GTF3C1: variants seen among roughly 807,000 people sequenced by gnomAD.
GTF3C1 encodes general transcription factor IIIC subunit 1.
In GTF3C1, 57 loss-of-function variants were observed where a neutral mutation model predicts 226.7. The observed-to-expected ratio is 0.25, with a 90% CI of 0.20 to 0.31. GTF3C1 has a LOEUF of 0.31. Among genes scored for constraint, GTF3C1 ranks in the 10% least tolerant of loss-of-function variants. The pLI is 1.00. For synonymous variants in GTF3C1, 1,090 were observed against 1,084.8 expected (o/e 1.00, Z -0.09); for missense variants, 2,217 against 2,776.1 (o/e 0.80, Z 4.53).
chr16:27,519,404 G>A (rs2088711196), intron 6 of GTF3C1, among the ~76,000 whole-genome samples: 1 of 152,160 alleles, frequency 6.6e-6, no homozygotes, highest in South Asian at 2.1e-4. Flanking sequence ...TGGCTTGGAG[G>A]GAGGGAGGCC....
At chr16:27,496,016 G>A (rs573665591) in intron 14 of GTF3C1, among the ~76,000 whole-genome samples, 85 of 152,348 alleles carry the variant, frequency 5.6e-4, no homozygotes, top group African/African-American at 1.9e-3. Context: ...CGGTGCTGGT[G>A]GTGGGGCCAG....
At chr16:27,540,512 G>A (rs879864036) in intron 2 of GTF3C1, among the ~76,000 whole-genome samples, 14 of 152,190 alleles carry the variant, frequency 9.2e-5, no homozygotes, top group Non-Finnish European at 1.6e-4. Flanking sequence ...GTTAATTATC[G>A]CGAATTAGCT....
At chr16:27,531,410 A>C (rs2088915555) in intron 5 of GTF3C1, among the ~76,000 whole-genome samples, 1 of 152,186 alleles carries the variant, frequency 6.6e-6, no homozygotes, top group Admixed American at 6.5e-5. Context: ...AGCCCAGCTC[A>C]ACTGTGCTTT....
At chr16:27,516,014 C>T (rs2088652983) in intron 6 of GTF3C1, among the ~76,000 whole-genome samples, 1 of 152,198 alleles carries the variant, frequency 6.6e-6, no homozygotes, top group Non-Finnish European at 1.5e-5. Flanking sequence ...GTCAGTGAGC[C>T]CAGGCTGCCA....
At chr16:27,478,887 A>C (rs2087995607) in intron 27 of GTF3C1, among the ~76,000 whole-genome samples, 1 of 151,602 alleles carries the variant, frequency 6.6e-6, no homozygotes, top group African/African-American at 2.4e-5. Flanking sequence ...AAAATGTCCC[A>C]CCCAGAAGTA....
At chr16:27,473,118 C>A (rs1438342905) in intron 29 of GTF3C1, among the ~76,000 whole-genome samples, 1 of 152,194 alleles carries the variant, frequency 6.6e-6, no homozygotes, top group African/African-American at 2.4e-5. Context: ...CCATGTTGCC[C>A]AGGCTGGTCT....
In GTF3C1 at chr16:27,464,430, G is replaced by A. The variant is rs756814934; in HGVS notation, c.5762C>T (p.Ala1921Val). 23 of 1,603,838 alleles carry A rather than the reference G, an allele frequency of 1.4e-5. No homozygotes were observed. In the East Asian group the frequency reaches 3.4e-4, roughly 24 times the overall value. Residue 1921 changes from alanine to valine, a missense_variant, in exon 34 of 37, where the codon GCA becomes GTA. Coordinates refer to ENST00000356183, the MANE Select transcript of GTF3C1 (RefSeq NM_001520.4). ...TTGGTCTTCCTGTGCTGCTCCCGCT[G>A]CAGCGGTGTCTTCAAGAGCTGGGGG... Reference protein sequence around the residue: ...SPPPALEDTAAAGAAQEDQEG... With the variant: ...SPPPALEDTAVAGAAQEDQEG...
intron 4 of GTF3C1, among the ~76,000 whole-genome samples, chr16:27,535,023 CTTTAT>C (rs768953553): frequency 1.8e-4 from 27 of 152,000 alleles, no homozygotes; most frequent in African/African-American, 2.9e-4. Flanking sequence ...GTGGATACTA[CTTTAT>C]TTTATCATTC....
Position 27,507,248 on chromosome 16 carries a change from C to T in GTF3C1, c.1243-92G>A, listed in dbSNP as rs232076. ...TCTGTGGCATCTATTTCCTTATTGG[C>T]TTTCTTCTGTTTCTCCTGTCTTACT... On this transcript the variant is annotated intron_variant, in intron 8 of 36. Coordinates refer to ENST00000356183, the MANE Select transcript of GTF3C1 (RefSeq NM_001520.4). The surrounding 1 kb of genome is among the most constrained non-coding windows in gnomAD (Gnocchi z 4.9). 45 of 984,892 alleles carry T rather than the reference C, an allele frequency of 4.6e-5. No individual in the cohort carries two copies. Among genetic ancestry groups the T allele is most frequent in the East Asian group, 1.7e-4 (7 of 41,462 alleles). The allele number at this position is 984,892 out of a possible 1,614,324, so 61.0% of individuals were successfully genotyped here.
intron 6 of GTF3C1, among the ~76,000 whole-genome samples, chr16:27,521,330 G>A (rs2088745476): frequency 1.3e-5 from 2 of 152,228 alleles, no homozygotes; most frequent in South Asian, 4.1e-4. Flanking sequence ...GAGGTCTTGC[G>A]AGAAAATCTT....
At position 27,461,365 on chromosome 16, in the gene GTF3C1, C is replaced by G. The variant is rs1301524745; in HGVS notation, c.6315G>C (p.Lys2105Asn). 6.2e-7 allele frequency: 1 copy of G among 1,610,900 alleles called. No homozygotes were observed. The highest frequency in any genetic ancestry group is 2.2e-5 in the East Asian group (1 of 44,808). The stretch of plus-strand genomic sequence containing the variant: ...CACAGGGGTCCTAGAGGTGGATCCA[C>G]TTGTTCCAGTTGACCTCGTGGGGGA... ...RVFPHEVNWN[K>N]WIHL The change falls in exon 37 of 37, where the codon AAG becomes AAC. Residue 2105 changes from lysine (K) to asparagine (N), a missense_variant. By Grantham distance (94) the Lys-to-Asn change is moderately conservative. Transcript: ENST00000356183. This position sits in a 1 kb window ranked among gnomAD's most constrained non-coding sequence, Gnocchi z 5.3.
rs371424726 is a variant in GTF3C1 at position 27,538,366 on chromosome 16, G to A, written c.432-10C>T. The A allele has an allele frequency of 4.4e-4, 655 of 1,498,214 alleles. 1 individual carries two copies. Among genetic ancestry groups the A allele is most frequent in the Middle Eastern group, 8.8e-4 (5 of 5,654 alleles). 92.8% of individuals were successfully genotyped at this position (1,498,214 alleles called of 1,614,324 possible). On this transcript the variant is annotated splice_polypyrimidine_tract_variant and intron_variant, in intron 2 of 36. Coordinates refer to ENST00000356183, the MANE Select transcript of GTF3C1 (RefSeq NM_001520.4). ...CAGTTTCTTCCCCCACCTGCAAATC[G>A]GAAACAATCGCATGAAGAAATAAGT... is the stretch of plus-strand genomic sequence containing the variant.
At chr16:27,497,848 T>C in intron 13 of GTF3C1, 27 bp from the exon 14 acceptor site, 3 of 1,572,426 alleles carry the variant, frequency 1.9e-6, no homozygotes, top group South Asian at 1.1e-5. Context: ...CATGCAATAA[T>C]GTACTGAGAA....
intron 29 of GTF3C1, among the ~76,000 whole-genome samples, chr16:27,476,077 G>A (rs538225618): frequency 6.6e-6 from 1 of 152,238 alleles, no homozygotes; most frequent in South Asian, 2.1e-4. Flanking sequence ...CTCACAGCTT[G>A]GTAATGACAG....
intron 7 of GTF3C1, 114 bp downstream of exon 7, chr16:27,511,635 T>C: frequency 1.7e-6 from 2 of 1,144,790 alleles, no homozygotes; most frequent in Non-Finnish European, 2.5e-6. Context: ...ACCAAGGCAC[T>C]TCCCATTGTA....
chr16:27,494,677 G>A, intron 16 of GTF3C1, 86 bp downstream of exon 16: 1 of 950,484 alleles, frequency 1.1e-6, no homozygotes, highest in South Asian at 1.4e-5. Flanking sequence ...GGGTCTTCAA[G>A]TATCCTCCCT....
intron 6 of GTF3C1, among the ~76,000 whole-genome samples, chr16:27,527,970 T>A: frequency 7.1e-6 from 1 of 140,778 alleles, no homozygotes; most frequent in African/African-American, 2.8e-5. Context: ...AAAGACCCTG[T>A]CTCAAAAAAA....
intron 2 of GTF3C1, among the ~76,000 whole-genome samples, chr16:27,539,695 T>C (rs1295043785): frequency 6.6e-6 from 1 of 152,228 alleles, no homozygotes; most frequent in Non-Finnish European, 1.5e-5. Context: ...GTAACAGTAT[T>C]AAGAGGAAGA....
chr16:27,470,163 G>A lies in GTF3C1; in HGVS notation c.4759C>T (p.Pro1587Ser), dbSNP rs538267964. 3.7e-6 allele frequency: 6 copies of A among 1,613,910 alleles called. No individual in the cohort carries two copies. The highest frequency in any genetic ancestry group is 1.3e-5 in the African/African-American group (1 of 75,016). ...CTGTCTACCACGATGATCTGCTCCGGGATCCTGACATCCACAGAAATGAGG... is the reference window on the plus strand; with the variant it reads ...CTGTCTACCACGATGATCTGCTCCGAGATCCTGACATCCACAGAAATGAGG... ...LGLISVDVRI[P>S]EQIIVVDSSM... The change falls in exon 31 of 37, where the codon CCG becomes TCG. Residue 1587 changes from proline to serine, a missense_variant. By Grantham distance (74) the Pro-to-Ser change is moderately conservative (BLOSUM62 -1). Around this residue, in one of 12 missense-constraint regions of GTF3C1, gnomAD observed 546 missense variants for 663.0 expected, o/e 0.82. Coordinates refer to ENST00000356183, the MANE Select transcript of GTF3C1 (RefSeq NM_001520.4). This position sits in a 1 kb window ranked among gnomAD's most constrained non-coding sequence, Gnocchi z 4.9.
Sources: allele counts gnomAD v4.1 joint callset (sites outside exome capture counted in the v4.1 genomes callset), GRCh38; gene constraint gnomAD v4.1.1; regional missense constraint gnomAD v4.1.1; non-coding constraint Gnocchi (gnomAD v3.1); transcripts MANE v1.5; gene names NCBI Gene and HGNC (gene_info 2026-07-23, HGNC 2026-07-21).